CMSS1: variants seen among roughly 807,000 people sequenced by gnomAD.
CMSS1 encodes protein CMSS1.
Under a neutral mutation model 43.5 loss-of-function variants are expected in CMSS1, and 33 were observed. The observed-to-expected ratio is 0.76, with a 90% CI of 0.57 to 1.01. The LOEUF is 1.01. Among genes scored for constraint, CMSS1 ranks in the 50% least tolerant of loss-of-function variants. The pLI is 0.00. For missense variants in CMSS1, 313 were observed against 326.4 expected (o/e 0.96, Z 0.32); for synonymous variants, 115 against 117.2 (o/e 0.98, Z 0.12).
chr3:99,987,065 C>CA (rs1709362402), intron 1 of CMSS1, among the ~76,000 whole-genome samples: 1 of 151,426 alleles, frequency 6.6e-6, no homozygotes, highest in Non-Finnish European at 1.5e-5. Context: ...CCCATCACTA[C>CA]AAAAAAATAC....
At chr3:100,019,995 A>G (rs1301073697) in intron 1 of CMSS1, among the ~76,000 whole-genome samples, 1 of 152,018 alleles carries the variant, frequency 6.6e-6, no homozygotes, top group Non-Finnish European at 1.5e-5. Context: ...GTGCAATTTT[A>G]TTTTCTGAGT....
intron 1 of CMSS1, among the ~76,000 whole-genome samples, chr3:100,094,378 A>G (rs947779263): frequency 6.6e-6 from 1 of 152,048 alleles, no homozygotes; most frequent in Non-Finnish European, 1.5e-5. Context: ...CAATATCAAG[A>G]TATTATTTTC....
chr3:99,953,452 C>A (rs1404832721), intron 1 of CMSS1, among the ~76,000 whole-genome samples: 1 of 152,126 alleles, frequency 6.6e-6, no homozygotes, highest in Non-Finnish European at 1.5e-5. Context: ...GCCTTTATGT[C>A]ACTTTGTCTG....
chr3:99,925,719 T>C (rs745310710), intron 1 of CMSS1: 42 of 243,836 alleles, frequency 1.7e-4, no homozygotes, highest in Non-Finnish European at 2.3e-4. Flanking sequence ...ACCAAGGACA[T>C]GAGGAGCTCT....
At chr3:100,160,072 C>T (rs1156579858) in intron 2 of CMSS1, among the ~76,000 whole-genome samples, 1 of 152,106 alleles carries the variant, frequency 6.6e-6, no homozygotes, top group African/African-American at 2.4e-5. Flanking sequence ...ACTGTCTTAC[C>T]ACATCTTAAT....
intron 1 of CMSS1, among the ~76,000 whole-genome samples, chr3:99,975,110 A>C (rs999842209): frequency 1.3e-5 from 2 of 152,254 alleles, no homozygotes; most frequent in African/African-American, 4.8e-5. Context: ...AGCCCAGTGA[A>C]GTACCTTTCA....
intron 1 of CMSS1, among the ~76,000 whole-genome samples, chr3:99,830,827 G>A (rs899810425): frequency 1.3e-5 from 2 of 152,148 alleles, no homozygotes; most frequent in African/African-American, 2.4e-5. Flanking sequence ...TAGAGATAGT[G>A]GTAGATACAG....
chr3:100,003,183 TG>T (rs532676174), intron 1 of CMSS1, among the ~76,000 whole-genome samples: 2 of 152,290 alleles, frequency 1.3e-5, no homozygotes, highest in African/African-American at 4.8e-5. Flanking sequence ...GCACTTTTGT[TG>T]TAAGCCCATG....
intron 1 of CMSS1, among the ~76,000 whole-genome samples, chr3:99,998,424 A>G (rs1709743952): frequency 6.6e-6 from 1 of 152,168 alleles, no homozygotes; most frequent in Non-Finnish European, 1.5e-5. Context: ...AGTGGGGTAA[A>G]CTATATATAC....
intron 1 of CMSS1, among the ~76,000 whole-genome samples, chr3:100,071,491 C>T (rs1332378484): frequency 6.6e-6 from 1 of 152,090 alleles, no homozygotes; most frequent in Admixed American, 6.5e-5. Flanking sequence ...GATTTCAAAG[C>T]ATTCACTAAA....
intron 1 of CMSS1, among the ~76,000 whole-genome samples, chr3:100,014,204 A>ATT (rs1427442359): frequency 1.3e-5 from 2 of 150,924 alleles, no homozygotes; most frequent in Non-Finnish European, 3.0e-5. Context: ...GTATATATAT[A>ATT]TTATATATAT....
intron 1 of CMSS1, among the ~76,000 whole-genome samples, chr3:100,014,874 C>CTT (rs200759774): frequency 8.5e-4 from 24 of 28,192 alleles, no homozygotes; most frequent in African/African-American, 1.2e-3. Context: ...TTTTTCTTTT[C>CTT]TTTTTTTTTT....
At chr3:100,172,586 G>A (rs2067120015) in intron 8 of CMSS1, among the ~76,000 whole-genome samples, 183 bp downstream of exon 8, 1 of 152,170 alleles carries the variant, frequency 6.6e-6, no homozygotes, top group South Asian at 2.1e-4. Flanking sequence ...GGAATGATAA[G>A]GACTGTGGCA....
At chr3:99,827,426 A>G (rs1942555801) in intron 1 of CMSS1, among the ~76,000 whole-genome samples, 3 of 152,104 alleles carry the variant, frequency 2.0e-5, no homozygotes, top group African/African-American at 7.2e-5. Flanking sequence ...TCCTGGCCTC[A>G]TGTGATCTGC....
At chr3:100,005,601 G>A (rs192782890) in intron 1 of CMSS1, among the ~76,000 whole-genome samples, 103 of 152,298 alleles carry the variant, frequency 6.8e-4, no homozygotes, top group African/African-American at 2.1e-3. Context: ...GAATTCCAAT[G>A]ATTCTAAAGT....
chr3:99,860,551 T>A (rs941208521), intron 1 of CMSS1, among the ~76,000 whole-genome samples: 1 of 152,134 alleles, frequency 6.6e-6, no homozygotes, highest in Non-Finnish European at 1.5e-5. Flanking sequence ...AAGGCCAGTC[T>A]GAGGGTCCAC....
At chr3:100,068,934 C>T (rs2107366415) in intron 1 of CMSS1, among the ~76,000 whole-genome samples, 1 of 152,306 alleles carries the variant, frequency 6.6e-6, no homozygotes, top group Middle Eastern at 3.4e-3. Context: ...TGCTCTCACC[C>T]TCGCCCAGCA....
intron 1 of CMSS1, among the ~76,000 whole-genome samples, chr3:99,936,651 C>T (rs1441932868): frequency 6.7e-6 from 1 of 149,784 alleles, no homozygotes; most frequent in South Asian, 2.1e-4. Flanking sequence ...GGATTACAGG[C>T]ATGAGCCACC....
chr3:100,044,995 G>A lies in CMSS1; in HGVS notation c.65-101978G>A, dbSNP rs555678286. 4.6e-5 allele frequency among the ~76,000 whole-genome samples: 7 copies of A among 152,284 alleles called. No individual in the cohort carries two copies. The South Asian group carries it at 1.2e-3, about 27-fold the overall frequency. ...AACATTTAGAGGAGAGTCTAGCCTG[G>A]GCGTAGAGAGGACTAGATCCTAAGC... On this transcript the variant is annotated intron_variant, in intron 1 of 9. Transcript: ENST00000421999.
Sources: gnomAD v4.1 joint callset for allele counts (sites outside exome capture counted in the v4.1 genomes callset) on GRCh38, gnomAD v4.1.1 for gene constraint, MANE v1.5 for transcripts, NCBI Gene and HGNC (gene_info 2026-07-23, HGNC 2026-07-21) for gene names.